DAB1: variants seen among roughly 807,000 people sequenced by gnomAD.
DAB1 encodes the protein disabled homolog 1.
In DAB1, 15 loss-of-function variants were observed where a neutral mutation model predicts 64.6. That is an observed-to-expected ratio of 0.23 (90% CI 0.16 to 0.36). The LOEUF (loss-of-function observed/expected upper bound fraction) is 0.36, where lower values mean the gene tolerates loss of function less well. Ranked by LOEUF, DAB1 falls within the 10% of genes least tolerant of loss-of-function variation. The pLI, the probability that DAB1 is intolerant of heterozygous loss-of-function variation, is 1.00. For synonymous variants in DAB1, 235 were observed against 251.9 expected, an observed-to-expected ratio of 0.93 and a Z score of 0.64; for missense variants, 596 against 706.7, an observed-to-expected ratio of 0.84 and a Z score of 1.78.
chr1:57,190,581 G>A (rs1274295726), intron 2 of DAB1, among the ~76,000 whole-genome samples: 1 of 152,160 alleles, frequency 6.6e-6, no homozygotes, highest in East Asian at 1.9e-4. Flanking sequence ...TGTCTCCAGA[G>A]TCTACTCTGT....
At chr1:57,065,424 C>G (rs1436963231) in intron 8 of DAB1, among the ~76,000 whole-genome samples, 1 of 152,178 alleles carries the variant, frequency 6.6e-6, no homozygotes, top group Non-Finnish European at 1.5e-5. Flanking sequence ...GAAAAGTAAT[C>G]AGACTACTGA....
chr1:58,043,621 G>A (rs1647174425), intron 5 of DAB1, among the ~76,000 whole-genome samples: 1 of 152,174 alleles, frequency 6.6e-6, no homozygotes, highest in South Asian at 2.1e-4. Flanking sequence ...TTGGAGCTCT[G>A]GGAGTAGTAG....
intron 2 of DAB1, among the ~76,000 whole-genome samples, chr1:57,228,581 A>C (rs2100419228): frequency 6.6e-6 from 1 of 152,318 alleles, no homozygotes; most frequent in Admixed American, 6.5e-5. Context: ...TAAATGATTT[A>C]ATTATTGCTT....
intron 4 of DAB1, among the ~76,000 whole-genome samples, chr1:58,236,104 CCCCCGCCCCA>C (rs1382139670): frequency 6.7e-6 from 1 of 149,366 alleles, no homozygotes; most frequent in African/African-American, 2.5e-5. Context: ...CCTGCCCGCC[CCCCCGCCCCA>C]CCCCGCCCCG....
intron 6 of DAB1, among the ~76,000 whole-genome samples, chr1:57,775,596 C>G (rs1019141074): frequency 6.6e-6 from 1 of 151,430 alleles, no homozygotes. Flanking sequence ...TGATAGAGAA[C>G]AGAGAACCTT....
intron 7 of DAB1, among the ~76,000 whole-genome samples, chr1:57,606,696 T>TATGAAATATAA (rs1645655979): frequency 7.7e-6 from 1 of 130,372 alleles, no homozygotes; most frequent in East Asian, 2.1e-4. Context: ...ATGAAATATA[T>TATGAAATATAA]ATATGAAATA....
At chr1:57,792,808 T>G (rs1650667404) in intron 6 of DAB1, among the ~76,000 whole-genome samples, 1 of 152,224 alleles carries the variant, frequency 6.6e-6, no homozygotes, top group African/African-American at 2.4e-5. Context: ...GCCTTGCATG[T>G]AACAGGAGCT....
At chr1:57,812,740 T>C (rs1410595315) in intron 6 of DAB1, among the ~76,000 whole-genome samples, 1 of 152,256 alleles carries the variant, frequency 6.6e-6, no homozygotes, top group African/African-American at 2.4e-5. Flanking sequence ...TATTTTCTAA[T>C]TCTTTACATA....
intron 7 of DAB1, among the ~76,000 whole-genome samples, chr1:57,629,896 A>C (rs1645967980): frequency 1.3e-5 from 2 of 152,164 alleles, no homozygotes; most frequent in African/African-American, 4.8e-5. Context: ...AGTTCAAATG[A>C]AATGCATTCC....
At chr1:57,817,451 T>C (rs1292406837) in intron 6 of DAB1, among the ~76,000 whole-genome samples, 1 of 152,220 alleles carries the variant, frequency 6.6e-6, no homozygotes, top group South Asian at 2.1e-4. Context: ...TCCTCGTCTC[T>C]CCATCCCCAT....
chr1:58,170,838 G>A (rs1656128479), intron 4 of DAB1, among the ~76,000 whole-genome samples: 1 of 152,188 alleles, frequency 6.6e-6, no homozygotes, highest in Non-Finnish European at 1.5e-5. Flanking sequence ...CAGGACTGAG[G>A]ATGCCCGGGG....
intron 1 of DAB1, among the ~76,000 whole-genome samples, chr1:57,373,001 A>G (rs1359976901): frequency 3.5e-5 from 5 of 142,728 alleles, no homozygotes; most frequent in African/African-American, 1.4e-4. Flanking sequence ...ACAGAGTGAG[A>G]CTACGTCTCT....
intron 2 of DAB1, among the ~76,000 whole-genome samples, chr1:57,210,679 T>C (rs946560209): frequency 1.3e-5 from 2 of 152,186 alleles, no homozygotes; most frequent in African/African-American, 4.8e-5. Flanking sequence ...CAAAGGCTTA[T>C]CAATAAATTT....
chr1:57,242,569 A>T (rs1668572758), intron 2 of DAB1, among the ~76,000 whole-genome samples: 1 of 152,192 alleles, frequency 6.6e-6, no homozygotes, highest in African/African-American at 2.4e-5. Context: ...ATAAATGAAC[A>T]GATCTGCAAC....
At chr1:57,171,004 G>T (rs1661699073) in intron 2 of DAB1, among the ~76,000 whole-genome samples, 1 of 152,126 alleles carries the variant, frequency 6.6e-6, no homozygotes, top group Non-Finnish European at 1.5e-5. Context: ...TCAAGGCAAA[G>T]AGTTCGATAC....
intron 9 of DAB1, among the ~76,000 whole-genome samples, chr1:57,027,365 A>G (rs1415733884): frequency 6.6e-6 from 1 of 152,174 alleles, no homozygotes; most frequent in East Asian, 1.9e-4. Context: ...TAGCCCCTCC[A>G]GCACAACCCT....
Position 58,339,980 on chromosome 1 carries a change from C to T in DAB1, n.309+3372G>A, listed in dbSNP as rs531881716. ...AGTTAACAGGGAAGAATAGGATTTG[C>T]TTTTAGAAATTCTAATCACAGCTAA... On this transcript the variant is annotated intron_variant and non_coding_transcript_variant, in intron 4 of 20. Transcript: ENST00000485760. 5.3e-5 allele frequency among the ~76,000 whole-genome samples: 8 copies of T among 152,206 alleles called. No individual in the cohort carries two copies. In the East Asian group the frequency reaches 1.4e-3, roughly 26 times the overall value.
chr1:57,014,863 C>T lies in DAB1; in HGVS notation c.1444+20G>A, dbSNP rs776282732. On this transcript the variant is annotated intron_variant, in intron 12 of 14. Coordinates refer to ENST00000371236, the MANE Select transcript of DAB1 (RefSeq NM_001365792.1). ...TTACGGCTCTCATTGGGTTTTATGT[C>T]TTAAGTGAGGGGCACTCACGTGAGT... 1 of 1,529,600 alleles carries T rather than the reference C, an allele frequency of 6.5e-7. No individual in the cohort carries two copies. The highest frequency in any genetic ancestry group is 8.8e-7 in the Non-Finnish European group (1 of 1,137,344). The allele number at this position is 1,529,600 out of a possible 1,614,324, so 94.8% of individuals were successfully genotyped here.
At chr1:57,437,244 T>C (rs1022054067) in intron 7 of DAB1, among the ~76,000 whole-genome samples, 1 of 151,970 alleles carries the variant, frequency 6.6e-6, no homozygotes, top group Non-Finnish European at 1.5e-5. Context: ...AGAGTCAAAT[T>C]TCAAATAATT....
Sources: allele counts gnomAD v4.1 joint callset (sites outside exome capture counted in the v4.1 genomes callset), GRCh38; gene constraint gnomAD v4.1.1; transcripts MANE v1.5; gene names NCBI Gene and HGNC (gene_info 2026-07-23, HGNC 2026-07-21).